The following ASPA variants were observed in gnomAD, a reference collection of about 807,000 sequenced individuals.
The protein encoded by ASPA is ACY-2.
Under a neutral mutation model 29.6 loss-of-function variants are expected in ASPA, and 25 were observed. The ratio of observed to expected loss-of-function variants is 0.85; its 90% CI spans 0.62 to 1.18. ASPA has a LOEUF of 1.18. Among genes scored for constraint, ASPA ranks in the 50% most tolerant of loss-of-function variants. The pLI, the probability that ASPA is intolerant of heterozygous loss-of-function variation, is 0.00. For missense variants in ASPA, 333 were observed against 385.7 expected (o/e 0.86, Z 1.14); for synonymous variants, 131 against 130.3 (o/e 1.01, Z -0.04).
rs1567621791 is a variant in ASPA at position 3,501,965 on chromosome 17, A to ACC, written c.*2877_*2878insCC. On this transcript the variant is annotated 3_prime_UTR_variant, in exon 6 of 6. Coordinates refer to ENST00000263080, the MANE Select transcript of ASPA (RefSeq NM_000049.4). Reference sequence around the variant, plus strand: ...AAGCCTCCATCTCAAAAAAAAAAAAAAAAAAAAAATGAGTTCTACTGTGAA... The same window carrying ACC: ...AAGCCTCCATCTCAAAAAAAAAAAAACCAAAAAAAAATGAGTTCTACTGTGAA... The ACC allele has an allele frequency of 6.6e-5, 10 of 151,280 alleles. No homozygotes were observed. Among genetic ancestry groups the ACC allele is most frequent in the Admixed American group, 5.9e-4 (9 of 15,208 alleles). The allele number at this position is 151,280 out of a possible 1,614,324, so 9.4% of individuals were successfully genotyped here.
At position 3,483,559 on chromosome 17, in the gene ASPA, G is replaced by A. The variant is rs2150748669; in HGVS notation, c.493G>A (p.Ala165Thr). The change falls in exon 3 of 6, where the codon GCG becomes ACG. Residue 165 changes from alanine (A) to threonine (T), a missense_variant. By Grantham distance (58) the Ala-to-Thr change is moderately conservative. Transcript: ENST00000263080. ...YLIEHPSLKY[A>T]TTRSIAKYPV... ...GATTGAGCATCCTTCCCTCAAATAT[G>A]CGACCACTCGTTCCATAGCCAAGTA... The A allele has an allele frequency of 2.5e-6, 4 of 1,614,022 alleles. No individual in the cohort carries two copies. Among genetic ancestry groups the A allele is most frequent in the Non-Finnish European group, 3.4e-6 (4 of 1,179,972 alleles).
rs188066133 is a variant in ASPA at position 3,485,198 on chromosome 17, T to C, written c.526+1606T>C. Among the ~76,000 whole-genome samples the C allele has an allele frequency of 2.8e-4, 43 of 152,208 alleles. No individual in the cohort carries two copies. The highest frequency in any genetic ancestry group is 4.9e-4 in the Non-Finnish European group (33 of 68,010). On this transcript the variant is annotated intron_variant, in intron 3 of 5. Coordinates refer to ENST00000263080, the MANE Select transcript of ASPA (RefSeq NM_000049.4). The surrounding 1 kb of genome is among the most constrained non-coding windows in gnomAD (Gnocchi z 4.4). ...CACATTCAGCTAATTTTTTATTTTTTGTAGAGACAGGATCTCAGTATGATC... is the reference window on the plus strand; with the variant it reads ...CACATTCAGCTAATTTTTTATTTTTCGTAGAGACAGGATCTCAGTATGATC...
chr17:3,499,058 T>C lies in ASPA; in HGVS notation c.912T>C (p.Asn304=), dbSNP rs750991168. ...AFAKTTKLTL[N]AKSIRCCLH is the part of the protein sequence containing the mutation. The stretch of plus-strand genomic sequence containing the variant: ...CAAAGACAACTAAACTAACGCTCAA[T>C]GCAAAAAGTATTCGCTGCTGTTTAC... Residue 304 remains asparagine (N), a synonymous_variant, in exon 6 of 6, where the codon AAT becomes AAC. Coordinates refer to ENST00000263080, the MANE Select transcript of ASPA (RefSeq NM_000049.4). 153 of 1,614,004 alleles carry C rather than the reference T, an allele frequency of 9.5e-5. 1 individual carries two copies. Among genetic ancestry groups the C allele is most frequent in the Non-Finnish European group, 5.6e-5 (66 of 1,180,030 alleles).
intron 4 of ASPA, among the ~76,000 whole-genome samples, chr17:3,491,507 G>A (rs1328885240): frequency 6.6e-6 from 1 of 152,176 alleles, no homozygotes; most frequent in Non-Finnish European, 1.5e-5. Context: ...TGCACTTTGG[G>A]AGGCTGAGGC....
At chr17:3,498,838 T>C in intron 5 of ASPA, 53 bp from the exon 6 acceptor site, 5 of 1,411,814 alleles carry the variant, frequency 3.5e-6, no homozygotes, top group Non-Finnish European at 4.7e-6. Context: ...GACATAAATT[T>C]TTAGAGGAGA....
chr17:3,479,426 C>T lies in ASPA; in HGVS notation c.237-2177C>T, dbSNP rs115983778. Reference sequence around the variant, plus strand: ...ATATCCATTAGGCTTGGTTTGCATACAATAGGAACCTAAGAATAGTGGTTT... The same window carrying T: ...ATATCCATTAGGCTTGGTTTGCATATAATAGGAACCTAAGAATAGTGGTTT... On this transcript the variant is annotated intron_variant, in intron 1 of 5. Transcript: ENST00000263080. Among the ~76,000 whole-genome samples, 548 of 152,278 alleles carry T rather than the reference C, an allele frequency of 3.6e-3. 5 individuals carry two copies. Among genetic ancestry groups the T allele is most frequent in the African/African-American group, 0.012 (501 of 41,548 alleles).
chr17:3,475,580 G>C (rs953180524), upstream of ASPA: 2 of 153,444 alleles, frequency 1.3e-5, no homozygotes, highest in Admixed American at 6.4e-5. Context: ...AAGAATGGGC[G>C]CCGGTTCAAG....
rs925180640 is a variant in ASPA, at chr17:3,494,364, C to A, written c.649C>A (p.Pro217Thr). 1 of 1,610,532 alleles carries A rather than the reference C, an allele frequency of 6.2e-7. No homozygotes were observed. Among genetic ancestry groups the A allele is most frequent in the African/African-American group, 1.3e-5 (1 of 74,858 alleles). Residue 217 changes from proline (P) to threonine (T), a missense_variant, in exon 5 of 6, where the codon CCC becomes ACC. Coordinates refer to ENST00000263080, the MANE Select transcript of ASPA (RefSeq NM_000049.4). Reference protein sequence around the residue: ...HHFNEGKEFPPCAIEVYKIIE... With the variant: ...HHFNEGKEFPTCAIEVYKIIE... ...TTTTGTCATAGGAAAAGAATTTCCT[C>A]CCTGCGCCATTGAGGTCTATAAAAT...
At position 3,502,616 on chromosome 17, in the gene ASPA, A is replaced by G. The variant is rs1349378799; in HGVS notation, c.*3528A>G. ...AATGGTAAAGATGACATATGACTAT[A>G]TTAAGAAACTGAATGGCCCTTTGTC... On this transcript the variant is annotated 3_prime_UTR_variant, in exon 6 of 6. Transcript: ENST00000263080. The G allele has an allele frequency of 6.6e-6, 1 of 152,258 alleles. No homozygotes were observed. Among genetic ancestry groups the G allele is most frequent in the Non-Finnish European group, 1.5e-5 (1 of 68,048 alleles). 9.4% of individuals were successfully genotyped at this position (152,258 alleles called of 1,614,324 possible).
intron 5 of ASPA, among the ~76,000 whole-genome samples, chr17:3,496,075 G>A (rs987334813): frequency 6.6e-6 from 1 of 152,212 alleles, no homozygotes; most frequent in Non-Finnish European, 1.5e-5. Context: ...GAGATCAGTA[G>A]CAAACTGGGC....
At position 3,485,750 on chromosome 17, in the gene ASPA, C is replaced by A. The variant is rs1349971248; in HGVS notation, c.526+2158C>A. ...CAAGCTAACCATTAGCCTAGCACCT[C>A]TGAGTGGATGCCAGTAGAAGACACA... On this transcript the variant is annotated intron_variant, in intron 3 of 5. Transcript: ENST00000263080. This position sits in a 1 kb window ranked among gnomAD's most constrained non-coding sequence, Gnocchi z 4.4. 3.9e-5 allele frequency among the ~76,000 whole-genome samples: 6 copies of A among 152,144 alleles called. No homozygotes were observed. Among genetic ancestry groups the A allele is most frequent in the African/African-American group, 1.4e-4 (6 of 41,430 alleles).
In ASPA at chr17:3,485,914, G is replaced by A. The variant is rs913341907; in HGVS notation, c.526+2322G>A. On this transcript the variant is annotated intron_variant, in intron 3 of 5. Coordinates refer to ENST00000263080, the MANE Select transcript of ASPA (RefSeq NM_000049.4). This position sits in a 1 kb window ranked among gnomAD's most constrained non-coding sequence, Gnocchi z 4.4. ...CAGATGGCAGCTATCCATGCCAGTG[G>A]TTGCATTCTAGGAGGGAACCTTTTT... 1.3e-5 allele frequency among the ~76,000 whole-genome samples: 2 copies of A among 150,952 alleles called. No individual in the cohort carries two copies. Among genetic ancestry groups the A allele is most frequent in the Non-Finnish European group, 3.0e-5 (2 of 67,794 alleles).
At chr17:3,497,443 G>A (rs1458058970) in intron 5 of ASPA, among the ~76,000 whole-genome samples, 1 of 152,124 alleles carries the variant, frequency 6.6e-6, no homozygotes, top group Non-Finnish European at 1.5e-5. Context: ...CATGGTTGCG[G>A]GTTATATGAC....
intron 3 of ASPA, among the ~76,000 whole-genome samples, chr17:3,483,914 T>G (rs1459938773): frequency 6.6e-6 from 1 of 152,126 alleles, no homozygotes; most frequent in African/African-American, 2.4e-5. Context: ...TGCCTCAGCC[T>G]CCCAAAGTGC....
chr17:3,481,943 G>A, intron 2 of ASPA, 145 bp downstream of exon 2: 1 of 743,628 alleles, frequency 1.3e-6, no homozygotes, highest in Non-Finnish European at 2.2e-6. Flanking sequence ...GTGGTTGGGG[G>A]GAAAGGGTGC....
rs1443746025 is a variant in ASPA, at chr17:3,501,170, G to C, written c.*2082G>C. On this transcript the variant is annotated 3_prime_UTR_variant, in exon 6 of 6. Transcript: ENST00000263080. ...GGGAGGGGAGAAAAAAGAAAAAAAA[G>C]AAAGGAAGAAAAAAATCATTTCATA... is the stretch of plus-strand genomic sequence containing the variant. 1 of 152,014 alleles carries C rather than the reference G, an allele frequency of 6.6e-6. No homozygotes were observed. Among genetic ancestry groups the C allele is most frequent in the Non-Finnish European group, 1.5e-5 (1 of 68,008 alleles). The allele number at this position is 152,014 out of a possible 1,614,324, so 9.4% of individuals were successfully genotyped here. A position where few individuals can be genotyped will look rare whatever the true frequency, so the allele number is the denominator to read the frequency against.
intron 1 of ASPA, among the ~76,000 whole-genome samples, chr17:3,476,859 T>A (rs896731131): frequency 1.3e-5 from 2 of 152,214 alleles, no homozygotes; most frequent in African/African-American, 4.8e-5. Context: ...TCAAGTAATA[T>A]TTGTTGAATG....
chr17:3,477,673 C>G (rs1389606705), intron 1 of ASPA, among the ~76,000 whole-genome samples: 1 of 152,032 alleles, frequency 6.6e-6, no homozygotes, highest in Non-Finnish European at 1.5e-5. Context: ...AGGCTGGTCT[C>G]AAACTCCTGG....
intron 5 of ASPA, among the ~76,000 whole-genome samples, chr17:3,496,800 C>T (rs905166329): frequency 4.1e-4 from 62 of 152,200 alleles, no homozygotes; most frequent in African/African-American, 1.2e-3. Flanking sequence ...GGAGCGGTGG[C>T]TCACGCCTGT....
Sources: gnomAD v4.1 joint callset for allele counts (sites outside exome capture counted in the v4.1 genomes callset) on GRCh38, gnomAD v4.1.1 for gene constraint, Gnocchi (gnomAD v3.1) non-coding constraint, MANE v1.5 for transcripts, NCBI Gene and HGNC (gene_info 2026-07-23, HGNC 2026-07-21) for gene names.